PTGER3: variants seen among roughly 807,000 people sequenced by gnomAD.
The protein encoded by PTGER3 is prostaglandin E receptor 3.
In PTGER3, 22 loss-of-function variants were observed where a neutral mutation model predicts 34.7. That is an observed-to-expected ratio of 0.63 (90% CI 0.45 to 0.91). The LOEUF (loss-of-function observed/expected upper bound fraction) is 0.91, where lower values mean the gene tolerates loss of function less well. PTGER3 is among the 40% of genes least tolerant of loss of function. PTGER3 has a pLI of 0.00. For missense variants in PTGER3, 468 were observed against 519.4 expected (o/e 0.90, Z 0.96); for synonymous variants, 241 against 230.1 (o/e 1.05, Z -0.43).
At chr1:70,961,181 C>A (rs1438061349) in intron 2 of PTGER3, among the ~76,000 whole-genome samples, 1 of 152,194 alleles carries the variant, frequency 6.6e-6, no homozygotes, top group Admixed American at 6.5e-5. Context: ...CGGCCCCATG[C>A]CAGACTTTCT....
At chr1:70,908,399 C>G (rs1330768714) in intron 4 of PTGER3, among the ~76,000 whole-genome samples, 1 of 152,178 alleles carries the variant, frequency 6.6e-6, no homozygotes, top group Non-Finnish European at 1.5e-5. Context: ...CCCACCAGGA[C>G]AGGAGGCGGT....
chr1:70,967,627 C>T (rs187388749), downstream of PTGER3, among the ~76,000 whole-genome samples: 6 of 151,966 alleles, frequency 3.9e-5, no homozygotes, highest in East Asian at 1.2e-3. Context: ...GTAGTCATAA[C>T]TAAAAATATA....
chr1:70,892,856 GA>G (rs1374317798), intron 4 of PTGER3, among the ~76,000 whole-genome samples: 1 of 140,314 alleles, frequency 7.1e-6, no homozygotes, highest in Non-Finnish European at 1.5e-5. Context: ...AAAAAAAAAA[GA>G]AAGAAAAAAA....
Position 71,003,496 on chromosome 1 carries a change from G to A in PTGER3, c.1077+8809C>T, listed in dbSNP as rs1167955546. Among the ~76,000 whole-genome samples, 4 of 152,072 alleles carry A rather than the reference G, an allele frequency of 2.6e-5. No homozygotes were observed. The East Asian group carries it at 7.7e-4, about 29-fold the overall frequency. On this transcript the variant is annotated intron_variant, in intron 2 of 3. Transcript: ENST00000306666. ...GCAAAACTAAAACAACATCTTTATT[G>A]TAAGGCAAATGCATCTTTGGATAAC...
intron 4 of PTGER3, among the ~76,000 whole-genome samples, chr1:70,864,151 A>G (rs1557612441): frequency 6.6e-6 from 1 of 152,058 alleles, no homozygotes; most frequent in South Asian, 2.1e-4. Context: ...ACTCTCCACC[A>G]CAGCTTTTAC....
intron 4 of PTGER3, among the ~76,000 whole-genome samples, chr1:70,919,288 A>T (rs377333395): frequency 2.0e-5 from 3 of 152,272 alleles, no homozygotes; most frequent in South Asian, 4.1e-4. Context: ...TTCCTTTCTT[A>T]AAAGGAAATT....
At chr1:70,852,872 C>G in intron 4 of PTGER3, 1 of 1,611,968 alleles carries the variant, frequency 6.2e-7, no homozygotes, top group Non-Finnish European at 8.5e-7. Flanking sequence ...GGAAAACAAA[C>G]AAATCAATTA....
chr1:71,032,273 G>A (rs540533046), intron 1 of PTGER3, among the ~76,000 whole-genome samples: 14 of 152,122 alleles, frequency 9.2e-5, no homozygotes, highest in African/African-American at 3.4e-4. Flanking sequence ...CTCTGAGCCT[G>A]AATCTGGAAA....
intron 2 of PTGER3, among the ~76,000 whole-genome samples, chr1:70,964,606 A>G (rs1473838201): frequency 1.3e-5 from 2 of 152,202 alleles, no homozygotes; most frequent in African/African-American, 2.4e-5. Context: ...CCATGATTCA[A>G]TTACTTCCCA....
intron 1 of PTGER3, among the ~76,000 whole-genome samples, chr1:71,032,662 A>T (rs758948734): frequency 5.3e-5 from 8 of 152,146 alleles, no homozygotes; most frequent in Non-Finnish European, 8.8e-5. Flanking sequence ...GCTGGCTTCC[A>T]TCTTCTATAA....
intron 2 of PTGER3, among the ~76,000 whole-genome samples, chr1:70,983,959 C>T (rs536537470): frequency 6.6e-6 from 1 of 152,078 alleles, no homozygotes; most frequent in Non-Finnish European, 1.5e-5. Context: ...GGATTTATTG[C>T]CATGGAAAGC....
chr1:70,884,154 A>T (rs1646451232), intron 4 of PTGER3: 1 of 322,082 alleles, frequency 3.1e-6, no homozygotes, highest in Admixed American at 3.8e-5. Context: ...TTACCATCCT[A>T]AGTAATTCTG....
At chr1:70,970,176 T>C (rs1028945407), downstream of PTGER3, among the ~76,000 whole-genome samples, 17 of 152,124 alleles carry the variant, frequency 1.1e-4, no homozygotes. Flanking sequence ...TTCTTACTTA[T>C]GTTAGGTATG....
chr1:70,977,710 G>A (rs1361321152), intron 2 of PTGER3, among the ~76,000 whole-genome samples: 1 of 151,936 alleles, frequency 6.6e-6, no homozygotes, highest in Non-Finnish European at 1.5e-5. Context: ...CCAACTTCCT[G>A]ACCACCGGCT....
intron 4 of PTGER3, among the ~76,000 whole-genome samples, chr1:70,930,130 C>G (rs1038551432): frequency 6.6e-6 from 1 of 152,100 alleles, no homozygotes; most frequent in African/African-American, 2.4e-5. Flanking sequence ...CAAACAATAA[C>G]AATAGATTTT....
At chr1:70,871,220 GAAGGCACTTCAC>G (rs1451239821) in intron 4 of PTGER3, among the ~76,000 whole-genome samples, 6 of 152,130 alleles carry the variant, frequency 3.9e-5, no homozygotes, top group Non-Finnish European at 7.4e-5. Context: ...TGAAGTGGGA[GAAGGCACTTCAC>G]ATAACAAAAG....
intron 4 of PTGER3, among the ~76,000 whole-genome samples, chr1:70,871,198 C>T (rs1646155509): frequency 6.6e-6 from 1 of 152,076 alleles, no homozygotes; most frequent in African/African-American, 2.4e-5. Flanking sequence ...AGCTTTTACT[C>T]ATGGTGGAAG....
At chr1:70,909,457 A>G (rs1022187426) in intron 4 of PTGER3, among the ~76,000 whole-genome samples, 3 of 152,190 alleles carry the variant, frequency 2.0e-5, no homozygotes, top group African/African-American at 7.2e-5. Context: ...CTATATATGA[A>G]TTTACATGGA....
At chr1:70,907,839 T>C (rs1646981470) in intron 4 of PTGER3, among the ~76,000 whole-genome samples, 1 of 152,168 alleles carries the variant, frequency 6.6e-6, no homozygotes, top group South Asian at 2.1e-4. Flanking sequence ...CAATATTTCA[T>C]GTGAGCTGAA....
Sources: allele counts gnomAD v4.1 joint callset (sites outside exome capture counted in the v4.1 genomes callset), GRCh38; gene constraint gnomAD v4.1.1; transcripts MANE v1.5; gene names NCBI Gene and HGNC (gene_info 2026-07-23, HGNC 2026-07-21).